The following SRGAP2C variants were observed in gnomAD, a reference collection of about 807,000 sequenced individuals.
SRGAP2C encodes the protein SLIT-ROBO Rho GTPase activating protein 2C.
SRGAP2C carries 15 observed loss-of-function variants against 25.1 expected under a neutral mutation model. That is an observed-to-expected ratio of 0.60 (90% CI 0.40 to 0.92). The LOEUF (loss-of-function observed/expected upper bound fraction) is 0.92, where lower values mean the gene tolerates loss of function less well. Among genes scored for constraint, SRGAP2C ranks in the 40% least tolerant of loss-of-function variants. SRGAP2C has a pLI of 0.00. For missense variants in SRGAP2C, 144 were observed against 264.4 expected (o/e 0.54, Z 3.16); for synonymous variants, 44 against 96.6 (o/e 0.46, Z 3.19).
At chr1:121,317,029 C>A (rs1658114427) in intron 3 of SRGAP2C, among the ~76,000 whole-genome samples, 1 of 138,218 alleles carries the variant, frequency 7.2e-6, no homozygotes, top group Admixed American at 7.6e-5. Context: ...CGAAGTCAGC[C>A]AAATCAGGGT....
intron 8 of SRGAP2C, among the ~76,000 whole-genome samples, chr1:121,385,724 T>C (rs1319059707): frequency 6.6e-6 from 1 of 150,832 alleles, no homozygotes; most frequent in African/African-American, 2.5e-5. Context: ...ACATGGGTCC[T>C]GCCTCCCAAC....
chr1:121,306,120 C>T (rs1413383799), intron 3 of SRGAP2C, among the ~76,000 whole-genome samples: 1 of 152,034 alleles, frequency 6.6e-6, no homozygotes, highest in African/African-American at 2.4e-5. Context: ...TCTGTGGGTA[C>T]ATTTGTAGGT....
At chr1:121,358,804 A>G (rs12070760) in intron 4 of SRGAP2C, among the ~76,000 whole-genome samples, 17,280 of 38,462 alleles carry the variant, frequency 0.45, 4,431 homozygotes, top group East Asian at 0.67. Flanking sequence ...GCTAGATTCA[A>G]TATCTAGCTT....
chr1:121,387,581 C>T (rs199930774), intron 9 of SRGAP2C, 53 bp from the exon 10 acceptor site: 2 of 543,840 alleles, frequency 3.7e-6, no homozygotes, highest in Non-Finnish European at 6.3e-6. Context: ...TCTCCATCAC[C>T]TGCTGTTTAA....
intron 3 of SRGAP2C, among the ~76,000 whole-genome samples, chr1:121,298,344 T>C (rs1245405571): frequency 1.3e-5 from 2 of 151,604 alleles, no homozygotes; most frequent in Non-Finnish European, 2.9e-5. Context: ...TTGCTGAGTT[T>C]CTATAAAGAT....
chr1:121,331,400 A>G (rs1658428074), intron 4 of SRGAP2C, among the ~76,000 whole-genome samples: 1 of 21,982 alleles, frequency 4.5e-5, no homozygotes, highest in East Asian at 1.2e-3. Flanking sequence ...AGAGGATGCT[A>G]TGCCACTGGC....
chr1:121,237,553 A>C (rs587598362), intron 2 of SRGAP2C, among the ~76,000 whole-genome samples: 2 of 151,262 alleles, frequency 1.3e-5, no homozygotes, highest in East Asian at 4.0e-4. Context: ...ATTTTATTAC[A>C]TTAGAAGAGA....
At chr1:121,279,596 A>T (rs1252222041) in intron 2 of SRGAP2C, among the ~76,000 whole-genome samples, 9 of 151,130 alleles carry the variant, frequency 6.0e-5, no homozygotes, top group African/African-American at 2.2e-4. Context: ...CATCTTTCTA[A>T]AAAGGAAATA....
intron 3 of SRGAP2C, among the ~76,000 whole-genome samples, chr1:121,307,693 C>T (rs1657875311): frequency 6.8e-6 from 1 of 147,510 alleles, no homozygotes; most frequent in African/African-American, 2.5e-5. Flanking sequence ...GACTGGGAAT[C>T]TTCTCGTTAC....
At chr1:121,260,455 G>T (rs1656600523) in intron 2 of SRGAP2C, among the ~76,000 whole-genome samples, 1 of 151,828 alleles carries the variant, frequency 6.6e-6, no homozygotes, top group African/African-American at 2.4e-5. Flanking sequence ...GAGAGGAGAG[G>T]GTGAGAGGTT....
chr1:121,227,312 CT>C (rs1228571167), intron 2 of SRGAP2C, among the ~76,000 whole-genome samples: 5 of 152,176 alleles, frequency 3.3e-5, no homozygotes, highest in African/African-American at 1.2e-4. Context: ...TATCTGGTTT[CT>C]GTCCCTGAAG....
At chr1:121,347,633 C>G (rs1482800121) in intron 4 of SRGAP2C, among the ~76,000 whole-genome samples, 2 of 152,180 alleles carry the variant, frequency 1.3e-5, no homozygotes, top group Admixed American at 6.5e-5. Context: ...GCCCTAATGC[C>G]AGGAGGAATG....
intron 2 of SRGAP2C, among the ~76,000 whole-genome samples, chr1:121,272,336 C>T (rs1266474815): frequency 6.6e-6 from 1 of 151,338 alleles, no homozygotes; most frequent in Non-Finnish European, 1.5e-5. Flanking sequence ...AAGTAATTTG[C>T]CCAAGGTCAC....
chr1:121,344,014 GT>G lies in SRGAP2C; in HGVS notation c.423+19378del, dbSNP rs1257684521. Among the ~76,000 whole-genome samples the G allele has an allele frequency of 2.5e-4, 32 of 129,188 alleles. 2 individuals carry two copies. In the South Asian group the frequency reaches 3.8e-3, roughly 15 times the overall value. The allele number at this position is 129,188 out of a possible 152,430, so 84.8% of individuals were successfully genotyped here. ...AACTTTGTAACCTGTCTAGGACTTA[GT>G]TTTCTAATCTGTAAGATAATGGTTT... is the stretch of plus-strand genomic sequence containing the variant. On this transcript the variant is annotated intron_variant, in intron 4 of 9. Coordinates refer to ENST00000367123, the MANE Select transcript of SRGAP2C (RefSeq NM_001329984.2).
intron 2 of SRGAP2C, among the ~76,000 whole-genome samples, chr1:121,210,859 T>C (rs1392600926): frequency 1.1e-5 from 1 of 93,458 alleles, no homozygotes; most frequent in Non-Finnish European, 2.1e-5. Flanking sequence ...TGCAAGCATA[T>C]CACTGTGAGT....
intron 2 of SRGAP2C, among the ~76,000 whole-genome samples, chr1:121,226,106 G>T (rs1655660759): frequency 6.6e-6 from 1 of 151,668 alleles, no homozygotes; most frequent in African/African-American, 2.4e-5. Flanking sequence ...GAAAGGGATC[G>T]GGTCTGTATA....
At chr1:121,322,981 C>T (rs1478858946) in intron 3 of SRGAP2C, among the ~76,000 whole-genome samples, 2 of 151,912 alleles carry the variant, frequency 1.3e-5, no homozygotes, top group African/African-American at 4.8e-5. Flanking sequence ...AGAGTACTCG[C>T]TTTGCAGTTA....
At chr1:121,378,831 T>A (rs1553354069) in intron 7 of SRGAP2C, among the ~76,000 whole-genome samples, 1 of 152,184 alleles carries the variant, frequency 6.6e-6, no homozygotes, top group South Asian at 2.1e-4. Context: ...GACCAAGGAC[T>A]AGCCTCCGAC....
chr1:121,366,822 G>C (rs1349580800), intron 5 of SRGAP2C, among the ~76,000 whole-genome samples: 2 of 151,068 alleles, frequency 1.3e-5, no homozygotes, highest in Non-Finnish European at 1.5e-5. Context: ...GGGTAGTTTG[G>C]ATAACCAACA....
Sources: allele counts gnomAD v4.1 joint callset (sites outside exome capture counted in the v4.1 genomes callset), GRCh38; gene constraint gnomAD v4.1.1; transcripts MANE v1.5; gene names NCBI Gene and HGNC (gene_info 2026-07-23, HGNC 2026-07-21).